The following MARCHF1 variants were observed in gnomAD, a reference collection of about 807,000 sequenced individuals.
MARCHF1 encodes the protein E3 ubiquitin-protein ligase MARCHF1.
Under a neutral mutation model 54.2 loss-of-function variants are expected in MARCHF1, and 40 were observed. The observed-to-expected ratio is 0.74, with a 90% CI of 0.57 to 0.96. MARCHF1 has a LOEUF of 0.96. MARCHF1 is among the 40% of genes least tolerant of loss of function. MARCHF1 has a pLI of 0.00. For synonymous variants in MARCHF1, 236 were observed against 236.3 expected (o/e 1.00, Z 0.01); for missense variants, 586 against 656.5 (o/e 0.89, Z 1.17).
intron 2 of MARCHF1, among the ~76,000 whole-genome samples, chr4:164,076,821 AC>A (rs1481621368): frequency 1.3e-5 from 2 of 152,162 alleles, no homozygotes; most frequent in African/African-American, 4.8e-5. Context: ...AATACAACTT[AC>A]AGGGTATGTG....
intron 3 of MARCHF1, among the ~76,000 whole-genome samples, chr4:163,960,349 T>C (rs971471218): frequency 1.3e-5 from 2 of 151,928 alleles, no homozygotes; most frequent in African/African-American, 4.8e-5. Context: ...TAAAGACACA[T>C]GAAGACAAAT....
At chr4:163,822,893 T>C (rs998699727) in intron 4 of MARCHF1, among the ~76,000 whole-genome samples, 1 of 151,884 alleles carries the variant, frequency 6.6e-6, no homozygotes, top group African/African-American at 2.4e-5. Flanking sequence ...TGTAGCACTC[T>C]GAATTCCACT....
At chr4:163,909,545 G>C (rs754340949) in intron 3 of MARCHF1, among the ~76,000 whole-genome samples, 1 of 152,202 alleles carries the variant, frequency 6.6e-6, no homozygotes, top group Non-Finnish European at 1.5e-5. Context: ...TTCAATAGTC[G>C]AGTGGGAGGA....
At chr4:163,585,969 G>C in intron 7 of MARCHF1, 40 bp from the exon 8 acceptor site, 1 of 1,548,320 alleles carries the variant, frequency 6.5e-7, no homozygotes, top group Non-Finnish European at 8.7e-7. Flanking sequence ...ATCTCCCAGA[G>C]AACATTTCTC....
At chr4:163,719,748 T>C (rs1200157734) in intron 4 of MARCHF1, among the ~76,000 whole-genome samples, 2 of 152,088 alleles carry the variant, frequency 1.3e-5, no homozygotes, top group Non-Finnish European at 2.9e-5. Context: ...TGGTATCTCA[T>C]TGTGGTTTTG....
chr4:163,763,605 T>G (rs1746892612), intron 4 of MARCHF1, among the ~76,000 whole-genome samples: 1 of 152,040 alleles, frequency 6.6e-6, no homozygotes, highest in African/African-American at 2.4e-5. Flanking sequence ...CTTTCCCCCC[T>G]TACGAACTTC....
intron 4 of MARCHF1, among the ~76,000 whole-genome samples, chr4:163,745,460 C>T (rs1746330792): frequency 6.6e-6 from 1 of 151,986 alleles, no homozygotes; most frequent in Non-Finnish European, 1.5e-5. Context: ...ATACTCGACC[C>T]CGCTGATACA....
intron 3 of MARCHF1, among the ~76,000 whole-genome samples, chr4:163,876,898 G>C (rs1053104842): frequency 1.3e-5 from 2 of 152,204 alleles, no homozygotes; most frequent in African/African-American, 4.8e-5. Flanking sequence ...AGTTGAGAAG[G>C]CTATGTAGAG....
chr4:163,762,311 T>C (rs1455456340), intron 4 of MARCHF1, among the ~76,000 whole-genome samples: 2 of 152,168 alleles, frequency 1.3e-5, no homozygotes, highest in East Asian at 1.9e-4. Flanking sequence ...GTTCTAACAA[T>C]TGGTGAAGTG....
In MARCHF1 at chr4:163,683,889, G is replaced by GCTCACTCACTCA. The variant is rs3080980; in HGVS notation, c.162+16912_162+16923dup. Among the ~76,000 whole-genome samples, 96 of 149,022 alleles carry GCTCACTCACTCA rather than the reference G, an allele frequency of 6.4e-4. 1 individual carries two copies. Among genetic ancestry groups the GCTCACTCACTCA allele is most frequent in the East Asian group, 3.0e-3 (15 of 5,044 alleles). On this transcript the variant is annotated intron_variant, in intron 5 of 9. Coordinates refer to ENST00000514618, the MANE Select transcript of MARCHF1 (RefSeq NM_001394959.1). Reference sequence around the variant, plus strand: ...GGCTCAAGGCAGACATCATGTGGAGGCTCACTCACTCACTCACTCACTCAC... The same window carrying GCTCACTCACTCA: ...GGCTCAAGGCAGACATCATGTGGAGGCTCACTCACTCACTCACTCACTCACTCACTCACTCAC...
intron 5 of MARCHF1, among the ~76,000 whole-genome samples, chr4:163,632,341 C>A (rs930180217): frequency 2.0e-5 from 3 of 152,280 alleles, no homozygotes; most frequent in African/African-American, 7.2e-5. Flanking sequence ...GTACCGGGTT[C>A]ATCTCACTAG....
At chr4:164,140,121 G>A (rs1756492298) in intron 1 of MARCHF1, among the ~76,000 whole-genome samples, 1 of 151,204 alleles carries the variant, frequency 6.6e-6, no homozygotes, top group African/African-American at 2.4e-5. Flanking sequence ...TATATACGAG[G>A]TAAAACATAC....
At chr4:163,571,936 G>T (rs1739853860) in intron 8 of MARCHF1, among the ~76,000 whole-genome samples, 1 of 152,108 alleles carries the variant, frequency 6.6e-6, no homozygotes. Context: ...AAGGAAAAAA[G>T]TAAGTGTAGC....
At position 164,174,937 on chromosome 4, in the gene MARCHF1, A is replaced by G. The variant is rs56193416; in HGVS notation, c.-322-63275T>C. ...TTGTTTTTCATAAAAATTGGCTATG[A>G]GATATCTTGGGTTCATCCAGATGGT... On this transcript the variant is annotated intron_variant, in intron 1 of 9. Transcript: ENST00000514618. Among the ~76,000 whole-genome samples the G allele has an allele frequency of 5.6e-3, 855 of 152,250 alleles. 10 individuals are homozygous for G. Among genetic ancestry groups the G allele is most frequent in the African/African-American group, 0.02 (830 of 41,538 alleles).
intron 8 of MARCHF1, among the ~76,000 whole-genome samples, chr4:163,558,130 G>A (rs976663481): frequency 3.9e-5 from 6 of 152,128 alleles, no homozygotes; most frequent in African/African-American, 1.4e-4. Context: ...AGCATGAGGT[G>A]GAAGGGCACA....
Position 164,011,189 on chromosome 4 carries a change from C to G in MARCHF1, c.-247-22480G>C, listed in dbSNP as rs146289879. Among the ~76,000 whole-genome samples the G allele has an allele frequency of 1.6e-4, 25 of 152,196 alleles. No homozygotes were observed. In the East Asian group the frequency reaches 4.4e-3, roughly 27 times the overall value. On this transcript the variant is annotated intron_variant, in intron 2 of 9. Transcript: ENST00000514618. ...AGAAAAAAAAATCTTTGGGAACAGA[C>G]TCCTGGACATTGGTGTGGGCAAAGA...
intron 4 of MARCHF1, among the ~76,000 whole-genome samples, chr4:163,715,868 C>G (rs937193510): frequency 2.6e-5 from 4 of 152,062 alleles, no homozygotes; most frequent in Non-Finnish European, 5.9e-5. Context: ...AAACAACACT[C>G]CATGGGATGA....
intron 3 of MARCHF1, among the ~76,000 whole-genome samples, chr4:163,928,910 T>C (rs1219995351): frequency 2.0e-5 from 3 of 151,844 alleles, no homozygotes; most frequent in Non-Finnish European, 4.4e-5. Context: ...AGTGTAGTAA[T>C]TGTCCTCAAG....
intron 3 of MARCHF1, among the ~76,000 whole-genome samples, chr4:163,928,042 G>C (rs1560822766): frequency 6.6e-6 from 1 of 151,446 alleles, no homozygotes; most frequent in Non-Finnish European, 1.5e-5. Context: ...GTTGAATGGG[G>C]TATATATATA....
Sources: gnomAD v4.1 joint callset for allele counts (sites outside exome capture counted in the v4.1 genomes callset) on GRCh38, gnomAD v4.1.1 for gene constraint, MANE v1.5 for transcripts, NCBI Gene and HGNC (gene_info 2026-07-23, HGNC 2026-07-21) for gene names.